CNTN5: variants seen among roughly 807,000 people sequenced by gnomAD.
CNTN5 encodes contactin-5.
A neutral mutation model predicts 129.1 loss-of-function variants in CNTN5; 77 were observed. That is an observed-to-expected ratio of 0.60 (90% CI 0.50 to 0.72). The LOEUF (loss-of-function observed/expected upper bound fraction) is 0.72. Ranked by LOEUF, CNTN5 falls within the 30% of genes least tolerant of loss-of-function variation. The pLI, the probability that CNTN5 is intolerant of heterozygous loss-of-function variation, is 0.00. For missense variants in CNTN5, 1,478 were observed against 1,328.8 expected (o/e 1.11, Z -1.75); for synonymous variants, 509 against 465.6 (o/e 1.09, Z -1.20).
At chr11:100,183,326 C>T (rs1208662311) in intron 13 of CNTN5, among the ~76,000 whole-genome samples, 1 of 152,006 alleles carries the variant, frequency 6.6e-6, no homozygotes, top group Non-Finnish European at 1.5e-5. Context: ...TTTTTTATAG[C>T]CCTAAGCTGA....
intron 4 of CNTN5, among the ~76,000 whole-genome samples, chr11:99,830,004 G>A (rs1402436876): frequency 6.6e-6 from 1 of 152,112 alleles, no homozygotes; most frequent in South Asian, 2.1e-4. Flanking sequence ...ACTTAATTAA[G>A]TGTAGGGTGC....
Position 99,730,977 on chromosome 11 carries a change from T to C in CNTN5, c.56-88567T>C, listed in dbSNP as rs555104711. Among the ~76,000 whole-genome samples the C allele has an allele frequency of 4.6e-5, 7 of 152,326 alleles. No individual in the cohort carries two copies. In the East Asian group the frequency reaches 1.2e-3, roughly 25 times the overall value. On this transcript the variant is annotated intron_variant, in intron 3 of 24. Coordinates refer to ENST00000524871, the MANE Select transcript of CNTN5 (RefSeq NM_014361.4). Reference sequence around the variant, plus strand: ...ACCATTTCCCAGCCTCTGGTAACTATAGTTGTACTCTCTACCTCCATGAGA... The same window carrying C: ...ACCATTTCCCAGCCTCTGGTAACTACAGTTGTACTCTCTACCTCCATGAGA...
intron 3 of CNTN5, among the ~76,000 whole-genome samples, chr11:99,560,990 T>C (rs541673951): frequency 3.3e-5 from 5 of 152,314 alleles, no homozygotes; most frequent in East Asian, 3.9e-4. Flanking sequence ...GATTAGAATC[T>C]ATGTGTCTGA....
At chr11:99,787,966 T>G (rs986772524) in intron 3 of CNTN5, among the ~76,000 whole-genome samples, 15 of 151,946 alleles carry the variant, frequency 9.9e-5, no homozygotes, top group Non-Finnish European at 1.9e-4. Flanking sequence ...TAATTTCAGG[T>G]CAATTAAGAA....
intron 9 of CNTN5, among the ~76,000 whole-genome samples, chr11:100,042,689 T>C (rs1365703888): frequency 6.6e-6 from 1 of 152,244 alleles, no homozygotes; most frequent in African/African-American, 2.4e-5. Context: ...TTCCATACTT[T>C]CAAGAACTAC....
intron 3 of CNTN5, among the ~76,000 whole-genome samples, chr11:99,777,402 G>T (rs1945161711): frequency 6.6e-6 from 1 of 151,724 alleles, no homozygotes; most frequent in African/African-American, 2.4e-5. Context: ...AGGCAAATTG[G>T]TCTGGCAAAA....
chr11:99,754,959 T>G (rs752859999), intron 3 of CNTN5, among the ~76,000 whole-genome samples: 6 of 152,200 alleles, frequency 3.9e-5, no homozygotes, highest in Non-Finnish European at 7.4e-5. Flanking sequence ...ATTGATCATG[T>G]TATTATTTCC....
At chr11:99,186,993 G>A (rs1053929013) in intron 1 of CNTN5, among the ~76,000 whole-genome samples, 1 of 151,878 alleles carries the variant, frequency 6.6e-6, no homozygotes, top group African/African-American at 2.4e-5. Flanking sequence ...TGGACAATGA[G>A]AGCTATCTTG....
At chr11:99,513,585 T>C (rs556432763) in intron 2 of CNTN5, among the ~76,000 whole-genome samples, 1 of 152,236 alleles carries the variant, frequency 6.6e-6, no homozygotes, top group East Asian at 1.9e-4. Flanking sequence ...TCATGTAGCA[T>C]TCCAAAATTC....
intron 3 of CNTN5, among the ~76,000 whole-genome samples, chr11:99,735,724 T>C (rs1381974348): frequency 6.6e-6 from 1 of 152,210 alleles, no homozygotes; most frequent in Non-Finnish European, 1.5e-5. Flanking sequence ...GATGTATTGA[T>C]ATATACCTTG....
In CNTN5 at chr11:99,133,031, C is replaced by A. The variant is rs188039716; in HGVS notation, c.-210+111761C>A. Among the ~76,000 whole-genome samples, 22 of 152,232 alleles carry A rather than the reference C, an allele frequency of 1.4e-4. No homozygotes were observed. In the East Asian group the frequency reaches 3.9e-3, roughly 27 times the overall value. On this transcript the variant is annotated intron_variant, in intron 1 of 24. Transcript: ENST00000524871. ...TACTACAAGGCTGCAGTAACCAGAA[C>A]AGCATGGTATTGGTACAAAAACAGA...
chr11:99,334,168 A>G (rs1279177270), intron 2 of CNTN5, among the ~76,000 whole-genome samples: 2 of 151,984 alleles, frequency 1.3e-5, no homozygotes, highest in East Asian at 3.9e-4. Context: ...ATACACAGGC[A>G]TCTTTGAAAG....
chr11:99,065,591 G>T (rs1463517335), intron 1 of CNTN5, among the ~76,000 whole-genome samples: 1 of 152,022 alleles, frequency 6.6e-6, no homozygotes, highest in Non-Finnish European at 1.5e-5. Flanking sequence ...ATTAATAATA[G>T]CAATATTTAC....
intron 2 of CNTN5, among the ~76,000 whole-genome samples, chr11:99,474,080 G>T (rs955268751): frequency 6.6e-6 from 1 of 151,960 alleles, no homozygotes; most frequent in Non-Finnish European, 1.5e-5. Context: ...TCTTAAATGG[G>T]AGTACTTGCT....
chr11:100,305,947 TAAAAA>T (rs60794756), intron 20 of CNTN5, among the ~76,000 whole-genome samples: 1 of 121,120 alleles, frequency 8.3e-6, no homozygotes, highest in African/African-American at 3.0e-5. Flanking sequence ...GCTGATTAGC[TAAAAA>T]AAAAAAAAAA....
chr11:99,558,513 G>T (rs1292068293), intron 3 of CNTN5, among the ~76,000 whole-genome samples: 1 of 151,878 alleles, frequency 6.6e-6, no homozygotes, highest in Non-Finnish European at 1.5e-5. Context: ...AAAGAAGGTG[G>T]TGTTCTATAA....
At chr11:100,274,538 C>G (rs111319900) in intron 18 of CNTN5, among the ~76,000 whole-genome samples, 2,540 of 152,194 alleles carry the variant, frequency 0.017, 78 homozygotes, top group African/African-American at 0.058. Context: ...AAAAAACAAA[C>G]AGCCCCATTA....
intron 3 of CNTN5, among the ~76,000 whole-genome samples, chr11:99,734,967 C>T (rs1019774357): frequency 1.3e-5 from 2 of 152,170 alleles, no homozygotes; most frequent in Non-Finnish European, 2.9e-5. Context: ...GAGATAGCAC[C>T]ACTGCAGTCC....
intron 2 of CNTN5, among the ~76,000 whole-genome samples, chr11:99,472,728 G>A (rs1486490558): frequency 1.3e-5 from 2 of 152,038 alleles, no homozygotes; most frequent in Non-Finnish European, 2.9e-5. Context: ...AAGTGCAGTG[G>A]TATGATCTCA....
Sources: allele counts gnomAD v4.1 joint callset (sites outside exome capture counted in the v4.1 genomes callset), GRCh38; gene constraint gnomAD v4.1.1; transcripts MANE v1.5; gene names NCBI Gene and HGNC (gene_info 2026-07-23, HGNC 2026-07-21).